ABCB11: variants seen among roughly 807,000 people sequenced by gnomAD.
ABCB11 encodes ATP binding cassette subfamily B member 11, also known as bile salt export pump.
Under a neutral mutation model 148.0 loss-of-function variants are expected in ABCB11, and 95 were observed. The ratio of observed to expected loss-of-function variants is 0.64; its 90% CI spans 0.54 to 0.76. The LOEUF is 0.76. Among genes scored for constraint, ABCB11 ranks in the 30% least tolerant of loss-of-function variants. The pLI, the probability that ABCB11 is intolerant of heterozygous loss-of-function variation, is 0.00. For missense variants in ABCB11, 1,523 were observed against 1,617.8 expected, an observed-to-expected ratio of 0.94 and a Z score of 1.01; for synonymous variants, 591 against 555.4, an observed-to-expected ratio of 1.06 and a Z score of -0.90.
chr2:168,993,694 C>G lies in ABCB11; in HGVS notation c.783+17G>C, dbSNP rs1406781194. 1.2e-6 allele frequency: 2 copies of G among 1,602,136 alleles called. No individual in the cohort carries two copies. Among genetic ancestry groups the G allele is most frequent in the Admixed American group, 1.7e-5 (1 of 58,680 alleles). Reference sequence around the variant, plus strand: ...GCAAATGTCTTCCCATGGAGAGATGCAAAAAGACATTCTTACCAGACCAAT... The same window carrying G: ...GCAAATGTCTTCCCATGGAGAGATGGAAAAAGACATTCTTACCAGACCAAT... On this transcript the variant is annotated intron_variant, in intron 8 of 27. Coordinates refer to ENST00000650372, the MANE Select transcript of ABCB11 (RefSeq NM_003742.4).
At chr2:168,997,176 G>A (rs1331894767) in intron 5 of ABCB11, among the ~76,000 whole-genome samples, 1 of 152,038 alleles carries the variant, frequency 6.6e-6, no homozygotes, top group Non-Finnish European at 1.5e-5. Flanking sequence ...CTGATAGAAC[G>A]ATGTGTGCTG....
intron 19 of ABCB11, among the ~76,000 whole-genome samples, chr2:168,949,115 C>T (rs1692453503): frequency 6.6e-6 from 1 of 151,626 alleles, no homozygotes; most frequent in South Asian, 2.1e-4. Flanking sequence ...GGTTTCCTTC[C>T]TTGTGGACCT....
chr2:168,960,137 A>G (rs887433161), intron 18 of ABCB11, among the ~76,000 whole-genome samples: 2 of 151,450 alleles, frequency 1.3e-5, no homozygotes, highest in Non-Finnish European at 3.0e-5. Context: ...TGATTAAAAA[A>G]CCAGATTCCT....
At chr2:168,959,868 C>T (rs1314430811) in intron 18 of ABCB11, among the ~76,000 whole-genome samples, 2 of 133,496 alleles carry the variant, frequency 1.5e-5, no homozygotes, top group South Asian at 2.5e-4. Flanking sequence ...ACTGCTATTG[C>T]TATGAATAAT....
intron 8 of ABCB11, among the ~76,000 whole-genome samples, chr2:168,991,539 C>A (rs150235216): frequency 2.0e-5 from 3 of 151,732 alleles, no homozygotes; most frequent in Admixed American, 6.6e-5. Context: ...CAAAATGAAC[C>A]CCCAAAGAAA....
rs776223452 is a variant in ABCB11, at chr2:168,968,465, C to T, written c.2037G>A (p.Ala679=). ...GGTAGCTCCCTCTGCTAAAGGTCCT[C>T]GCAAGCATGTCATCTTCAGTTGCAT... is the stretch of plus-strand genomic sequence containing the variant. ...IKDATEDDML[A]RTFSRGSYQD... is the part of the protein sequence containing the mutation. The change falls in exon 17 of 28, where the codon GCG becomes GCA. Residue 679 remains alanine (A), a synonymous_variant. Coordinates refer to ENST00000650372, the MANE Select transcript of ABCB11 (RefSeq NM_003742.4). 3.2e-5 allele frequency: 51 copies of T among 1,610,980 alleles called. No homozygotes were observed. Among genetic ancestry groups the T allele is most frequent in the African/African-American group, 4.0e-5 (3 of 74,770 alleles).
chr2:168,989,509 G>A (rs564173016), intron 9 of ABCB11, among the ~76,000 whole-genome samples: 2 of 152,154 alleles, frequency 1.3e-5, no homozygotes, highest in African/African-American at 4.8e-5. Context: ...CCAGTACCAT[G>A]CTGTTTTTAT....
chr2:169,028,094 A>G (rs1031354019), intron 1 of ABCB11, among the ~76,000 whole-genome samples: 7 of 151,952 alleles, frequency 4.6e-5, no homozygotes, highest in Non-Finnish European at 1.5e-5. Context: ...TCTCTCTCCC[A>G]TACCTAAAAT....
At chr2:168,997,432 T>C (rs1694751611) in intron 5 of ABCB11, among the ~76,000 whole-genome samples, 1 of 152,020 alleles carries the variant, frequency 6.6e-6, no homozygotes, top group South Asian at 2.1e-4. Flanking sequence ...ACTTTGGCAT[T>C]TTTCCCAGCA....
At chr2:168,946,362 CTT>C (rs971538492) in intron 19 of ABCB11, among the ~76,000 whole-genome samples, 2 of 151,432 alleles carry the variant, frequency 1.3e-5, no homozygotes, top group South Asian at 4.2e-4. Context: ...TTAACAAATC[CTT>C]TTTTTTGTAA....
In ABCB11 at chr2:168,989,933, C is replaced by T. The variant is rs1187714753; in HGVS notation, c.908+868G>A. On this transcript the variant is annotated intron_variant, in intron 9 of 27. Transcript: ENST00000650372. ...CATTTATTGACATGCCTATGTTGAACCATCCTTACATCCTAGGGATAAATC... is the reference window on the plus strand; with the variant it reads ...CATTTATTGACATGCCTATGTTGAATCATCCTTACATCCTAGGGATAAATC... 2.6e-5 allele frequency among the ~76,000 whole-genome samples: 4 copies of T among 152,068 alleles called. No homozygotes were observed. The South Asian group carries it at 6.2e-4, about 24-fold the overall frequency.
At chr2:168,990,394 G>T (rs971134524) in intron 9 of ABCB11, among the ~76,000 whole-genome samples, 1 of 151,952 alleles carries the variant, frequency 6.6e-6, no homozygotes, top group Non-Finnish European at 1.5e-5. Flanking sequence ...CCAATTTGTT[G>T]GCGTTTGTTT....
chr2:168,971,111 C>CA (rs78812745), intron 14 of ABCB11, among the ~76,000 whole-genome samples: 86,868 of 151,706 alleles, frequency 0.57, 25,126 homozygotes, highest in East Asian at 0.75. Context: ...TTGTCTTTAC[C>CA]ATTTACTTGT....
rs1357722808 is a variant in ABCB11 at position 168,984,322 on chromosome 2, C to T, written c.1083+1788G>A. On this transcript the variant is annotated intron_variant, in intron 10 of 27. Transcript: ENST00000650372. ...GTCTTCTCCATTAAAGTGTAAATCCCATCAAGGCAAAAAAACAAAAACAAA... is the reference window on the plus strand; with the variant it reads ...GTCTTCTCCATTAAAGTGTAAATCCTATCAAGGCAAAAAAACAAAAACAAA... 3.3e-5 allele frequency among the ~76,000 whole-genome samples: 5 copies of T among 152,126 alleles called. No individual in the cohort carries two copies. In the East Asian group the frequency reaches 9.7e-4, roughly 29 times the overall value.
rs886043762 is a variant in ABCB11, at chr2:168,970,184, C to T, written c.1670G>A (p.Gly557Asp). 6 of 1,612,398 alleles carry T rather than the reference C, an allele frequency of 3.7e-6. No homozygotes were observed. The highest frequency in any genetic ancestry group is 5.1e-6 in the Non-Finnish European group (6 of 1,179,038). Residue 557 changes from glycine to aspartate, a missense_variant, in exon 15 of 28, where the codon GGC (glycine) becomes GAC (aspartate). Coordinates refer to ENST00000650372, the MANE Select transcript of ABCB11 (RefSeq NM_003742.4). ...QFDTLVGEGG[G>D]QMSGGQKQRV... Reference sequence around the variant, plus strand: ...TTGTTTCTGGCCACCACTCATCTGGCCTCCTCCTTCTCCAACAAGGGTGTC... The same window carrying T: ...TTGTTTCTGGCCACCACTCATCTGGTCTCCTCCTTCTCCAACAAGGGTGTC...
chr2:169,003,323 CGTGTGT>C (rs139250976), intron 5 of ABCB11, among the ~76,000 whole-genome samples: 43 of 141,648 alleles, frequency 3.0e-4, no homozygotes, highest in African/African-American at 1.0e-3. Flanking sequence ...TTCCATGGTG[CGTGTGT>C]GTGTGTGTGT....
At chr2:169,019,126 A>T (rs991475858) in intron 1 of ABCB11, among the ~76,000 whole-genome samples, 1 of 152,120 alleles carries the variant, frequency 6.6e-6, no homozygotes, top group African/African-American at 2.4e-5. Context: ...CCATTGAAGC[A>T]TCTATTCCTT....
intron 5 of ABCB11, among the ~76,000 whole-genome samples, chr2:169,005,034 A>G (rs1694978891): frequency 6.6e-6 from 1 of 152,096 alleles, no homozygotes; most frequent in Non-Finnish European, 1.5e-5. Context: ...GGATAACAGC[A>G]CCTGCACCTG....
Position 169,013,433 on chromosome 2 carries a change from C to A in ABCB11, c.228G>T (p.Gln76His). ...SLCAFLHGIA[Q>H]PGVLLIFGTM... ...TGCCAAAAATGAGTAGCACGCCTGG[C>A]TGGGCTATTCCATGGAGAAATGCAC... is the stretch of plus-strand genomic sequence containing the variant. The change falls in exon 5 of 28, where the codon CAG becomes CAT. Residue 76 changes from glutamine (Q) to histidine (H), a missense_variant. Physicochemically the swap from Gln to His is conservative, Grantham distance 24. Coordinates refer to ENST00000650372, the MANE Select transcript of ABCB11 (RefSeq NM_003742.4). 6.2e-7 allele frequency: 1 copy of A among 1,613,752 alleles called. No homozygotes were observed. Among genetic ancestry groups the A allele is most frequent in the Non-Finnish European group, 8.5e-7 (1 of 1,179,762 alleles).
Sources: allele counts gnomAD v4.1 joint callset (sites outside exome capture counted in the v4.1 genomes callset), GRCh38; gene constraint gnomAD v4.1.1; transcripts MANE v1.5; gene names NCBI Gene and HGNC (gene_info 2026-07-23, HGNC 2026-07-21).